The following EPHB2 variants were observed in gnomAD, a reference collection of about 807,000 sequenced individuals.
EPHB2 encodes EPH receptor B2.
A neutral mutation model predicts 96.4 loss-of-function variants in EPHB2; 18 were observed. The observed-to-expected ratio is 0.19, with a 90% CI of 0.13 to 0.28. The LOEUF (loss-of-function observed/expected upper bound fraction) is 0.28, where lower values mean the gene tolerates loss of function less well. Ranked by LOEUF, EPHB2 falls within the 10% of genes least tolerant of loss-of-function variation. The pLI is 1.00. For missense variants in EPHB2, 989 were observed against 1,355.4 expected (o/e 0.73, Z 4.25); for synonymous variants, 506 against 534.1 (o/e 0.95, Z 0.72).
chr1:22,746,639 T>C (rs903755735), intron 1 of EPHB2, among the ~76,000 whole-genome samples: 1 of 152,260 alleles, frequency 6.6e-6, no homozygotes, highest in African/African-American at 2.4e-5. Context: ...CCACCTACTG[T>C]GGACCGTGGA....
intron 3 of EPHB2, chr1:22,835,751 AGGCACGCACAATGCAGTCT>A (rs1645372175): frequency 6.6e-6 from 1 of 152,260 alleles, no homozygotes; most frequent in Non-Finnish European, 1.5e-5. Context: ...ACGTTCACAC[AGGCACGCACAATGCAGTCT>A]GTGTGAGCTC....
Position 22,875,383 on chromosome 1 carries a change from A to G in EPHB2, c.1304-6976A>G, listed in dbSNP as rs1288157134. On this transcript the variant is annotated intron_variant, in intron 5 of 15. Transcript: ENST00000374630. This position sits in a 1 kb window ranked among gnomAD's most constrained non-coding sequence, Gnocchi z 4.2. ...GCGCAGTGACAAGCAATTGTCATGG[A>G]ACTGTTAGCTAGCTGGTGGCAAGAG... is the stretch of plus-strand genomic sequence containing the variant. 6.6e-6 allele frequency among the ~76,000 whole-genome samples: 1 copy of G among 152,164 alleles called. No homozygotes were observed. Among genetic ancestry groups the G allele is most frequent in the African/African-American group, 2.4e-5 (1 of 41,442 alleles).
chr1:22,895,328 T>C, intron 7 of EPHB2, 144 bp from the exon 8 acceptor site: 1 of 739,990 alleles, frequency 1.4e-6, no homozygotes, highest in Non-Finnish European at 2.4e-6. Flanking sequence ...CTTTTCTGCA[T>C]GGGCATGTAA....
intron 1 of EPHB2, among the ~76,000 whole-genome samples, chr1:22,732,082 G>C (rs1021437456): frequency 3.9e-5 from 6 of 152,186 alleles, no homozygotes; most frequent in African/African-American, 1.4e-4. Context: ...CCATTTACAG[G>C]CTGTGTGACC....
At position 22,784,128 on chromosome 1, in the gene EPHB2, AG is replaced by A. The variant is rs1644573843; in HGVS notation, c.127-261del. Among the ~76,000 whole-genome samples, 1 of 152,172 alleles carries A rather than the reference AG, an allele frequency of 6.6e-6. No homozygotes were observed. The highest frequency in any genetic ancestry group is 6.5e-5 in the Admixed American group (1 of 15,284). On this transcript the variant is annotated intron_variant, in intron 2 of 15. Coordinates refer to ENST00000374630, the MANE Select transcript of EPHB2 (RefSeq NM_017449.5). The surrounding 1 kb of genome is among the most constrained non-coding windows in gnomAD (Gnocchi z 5.1). ...CCTTCCAGGTGGGAACTTCCTGGCC[AG>A]GGTCCCTGTCTCCTTTATCAGATTA...
In EPHB2 at chr1:22,913,343, C is replaced by G; in HGVS notation, c.2853-119C>G. On this transcript the variant is annotated intron_variant, in intron 15 of 15. Coordinates refer to ENST00000374630, the MANE Select transcript of EPHB2 (RefSeq NM_017449.5). The surrounding 1 kb of genome is among the most constrained non-coding windows in gnomAD (Gnocchi z 4.1). ...GGCTGCCTGCCCACTCCCCACTCCC[C>G]ACTCCCCAGTACTCCTTGCTTTGCC... 1 of 1,347,682 alleles carries G rather than the reference C, an allele frequency of 7.4e-7. No individual in the cohort carries two copies. The highest frequency in any genetic ancestry group is 1.0e-6 in the Non-Finnish European group (1 of 964,560). 83.5% of individuals were successfully genotyped at this position (1,347,682 alleles called of 1,614,324 possible). A position where few individuals can be genotyped will look rare whatever the true frequency, so the allele number is the denominator to read the frequency against.
intron 3 of EPHB2, among the ~76,000 whole-genome samples, chr1:22,793,532 C>T (rs1644725830): frequency 6.6e-6 from 1 of 152,032 alleles, no homozygotes; most frequent in South Asian, 2.1e-4. Context: ...CTTTTTAAAC[C>T]CTAGCCTCTT....
At chr1:22,884,170 G>A (rs893770835) in intron 6 of EPHB2, among the ~76,000 whole-genome samples, 1 of 152,190 alleles carries the variant, frequency 6.6e-6, no homozygotes, top group Non-Finnish European at 1.5e-5. Context: ...GGAATGAATT[G>A]TGTGAATGAA....
At chr1:22,891,668 A>G (rs990692461) in intron 6 of EPHB2, among the ~76,000 whole-genome samples, 1 of 152,214 alleles carries the variant, frequency 6.6e-6, no homozygotes, top group African/African-American at 2.4e-5. Flanking sequence ...CGCCCTGGGT[A>G]ACATTCAGGA....
intron 3 of EPHB2, among the ~76,000 whole-genome samples, chr1:22,843,079 C>T (rs1402997428): frequency 2.6e-5 from 4 of 152,138 alleles, no homozygotes; most frequent in African/African-American, 4.8e-5. Flanking sequence ...GGTAGGGTAT[C>T]GTATCTGTTG....
intron 2 of EPHB2, among the ~76,000 whole-genome samples, chr1:22,783,684 C>T (rs1391454225): frequency 6.6e-6 from 1 of 152,194 alleles, no homozygotes; most frequent in African/African-American, 2.4e-5. Context: ...CTTTCCACCA[C>T]CTGGCCCAGC....
Position 22,865,147 on chromosome 1 carries a change from G to C in EPHB2, c.1238G>C (p.Gly413Ala), listed in dbSNP as rs1287447674. ...QYTFEIQAVN[G>A]VTDQSPFSPQ... is the part of the protein sequence containing the mutation. ...ACCTTCGAGATCCAGGCTGTGAACG[G>C]CGTTACTGACCAGAGCCCCTTCTCG... The change falls in exon 5 of 16, where the codon GGC (glycine) becomes GCC (alanine). Residue 413 changes from glycine to alanine, a missense_variant. Gly to Ala is a moderately conservative substitution (Grantham distance 60). Coordinates refer to ENST00000374630, the MANE Select transcript of EPHB2 (RefSeq NM_017449.5). The C allele has an allele frequency of 1.9e-6, 3 of 1,614,176 alleles. No individual in the cohort carries two copies.
At chr1:22,903,898 T>C (rs1639825943) in intron 9 of EPHB2, among the ~76,000 whole-genome samples, 1 of 152,188 alleles carries the variant, frequency 6.6e-6, no homozygotes. Context: ...ATGGTGGTTC[T>C]TAACCTCTTT....
At chr1:22,728,883 A>G (rs1643641360) in intron 1 of EPHB2, among the ~76,000 whole-genome samples, 1 of 152,194 alleles carries the variant, frequency 6.6e-6, no homozygotes, top group Non-Finnish European at 1.5e-5. Flanking sequence ...ATCCGCCTGC[A>G]TGACAGCTCC....
At chr1:22,775,316 G>C (rs945581871) in intron 1 of EPHB2, 1 of 768,510 alleles carries the variant, frequency 1.3e-6, no homozygotes, top group Non-Finnish European at 2.4e-6. Context: ...ACTTCTGGAG[G>C]TTGCGCCTGA....
intron 1 of EPHB2, among the ~76,000 whole-genome samples, chr1:22,716,738 A>G (rs532906525): frequency 6.6e-6 from 1 of 152,278 alleles, no homozygotes; most frequent in East Asian, 1.9e-4. Context: ...TAGACTGGAG[A>G]CTGGACCTCT....
rs1228338404 is a variant in EPHB2 at position 22,790,737 on chromosome 1, TG to T, written c.811+5662del. On this transcript the variant is annotated intron_variant, in intron 3 of 15. Transcript: ENST00000374630. This position sits in a 1 kb window ranked among gnomAD's most constrained non-coding sequence, Gnocchi z 4.0. ...TCTGGAGGCAGTTCCGCAGTGAGCA[TG>T]ATTGCTGCGATGCTATCGGACGTAA... Among the ~76,000 whole-genome samples, 1 of 152,246 alleles carries T rather than the reference TG, an allele frequency of 6.6e-6. No homozygotes were observed. The highest frequency in any genetic ancestry group is 2.4e-5 in the African/African-American group (1 of 41,472).
rs1031281573 is a variant in EPHB2 at position 22,860,431 on chromosome 1, G to A, written c.812-2606G>A. Among the ~76,000 whole-genome samples the A allele has an allele frequency of 1.3e-5, 2 of 152,128 alleles. No individual in the cohort carries two copies. The highest frequency in any genetic ancestry group is 1.9e-4 in the East Asian group (1 of 5,186). On this transcript the variant is annotated intron_variant, in intron 3 of 15. Coordinates refer to ENST00000374630, the MANE Select transcript of EPHB2 (RefSeq NM_017449.5). This position sits in a 1 kb window ranked among gnomAD's most constrained non-coding sequence, Gnocchi z 4.6. The stretch of plus-strand genomic sequence containing the variant: ...TAGATACAGAAATGATACAGTGCCC[G>A]GTGGTGGGGGTCGAACCTGGCCAGG...
chr1:22,841,649 G>A (rs924477382), intron 3 of EPHB2, among the ~76,000 whole-genome samples: 2 of 152,166 alleles, frequency 1.3e-5, no homozygotes, highest in Non-Finnish European at 2.9e-5. Flanking sequence ...CTAGAAAGAG[G>A]CGATTGTCAG....
Sources: gnomAD v4.1 joint callset for allele counts (sites outside exome capture counted in the v4.1 genomes callset) on GRCh38, gnomAD v4.1.1 for gene constraint, Gnocchi (gnomAD v3.1) non-coding constraint, MANE v1.5 for transcripts, NCBI Gene and HGNC (gene_info 2026-07-23, HGNC 2026-07-21) for gene names.